The following DPYD variants were observed in gnomAD, a reference collection of about 807,000 sequenced individuals.
DPYD encodes dihydropyrimidine dehydrogenase, also known as dihydropyrimidine dehydrogenase [NADP(+)].
DPYD carries 109 observed loss-of-function variants against 116.2 expected under a neutral mutation model. That is an observed-to-expected ratio of 0.94 (90% CI 0.80 to 1.10). DPYD has a LOEUF of 1.10. DPYD is among the 50% of genes least tolerant of loss of function. DPYD has a pLI of 0.00. For synonymous variants in DPYD, 440 were observed against 432.0 expected, an observed-to-expected ratio of 1.02 and a Z score of -0.23; for missense variants, 1,302 against 1,254.5, an observed-to-expected ratio of 1.04 and a Z score of -0.57.
chr1:97,876,224 A>G (rs905201904), intron 2 of DPYD, among the ~76,000 whole-genome samples: 5 of 151,946 alleles, frequency 3.3e-5, no homozygotes, highest in African/African-American at 9.7e-5. Context: ...AGTACTTCTG[A>G]CTCAACCTGG....
chr1:97,626,924 C>T (rs1030459095), intron 8 of DPYD, among the ~76,000 whole-genome samples: 1 of 151,900 alleles, frequency 6.6e-6, no homozygotes, highest in Admixed American at 6.6e-5. Flanking sequence ...GTCTTAGTTC[C>T]GGCTTCTATG....
At position 97,833,741 on chromosome 1, in the gene DPYD, C is replaced by A. The variant is rs1408315103; in HGVS notation, c.151-5545G>T. Among the ~76,000 whole-genome samples the A allele has an allele frequency of 3.3e-5, 5 of 151,964 alleles. No homozygotes were observed. In the East Asian group the frequency reaches 9.6e-4, roughly 29 times the overall value. On this transcript the variant is annotated intron_variant, in intron 2 of 22. Coordinates refer to ENST00000370192, the MANE Select transcript of DPYD (RefSeq NM_000110.4). ...AAACAGAAGAAGAGTATCCATGAAC[C>A]CCAACTCAATCCTAATGGATCAGAT...
chr1:97,547,885 A>C (rs1651023271), intron 12 of DPYD, among the ~76,000 whole-genome samples: 1 of 152,154 alleles, frequency 6.6e-6, no homozygotes, highest in African/African-American at 2.4e-5. Context: ...CACTACTCAA[A>C]GATGCCAAGG....
At chr1:97,579,065 T>A (rs927697619) in intron 10 of DPYD, among the ~76,000 whole-genome samples, 2 of 152,216 alleles carry the variant, frequency 1.3e-5, no homozygotes, top group Non-Finnish European at 2.9e-5. Context: ...CTATCCTTTA[T>A]GTCCAAGAGT....
intron 13 of DPYD, among the ~76,000 whole-genome samples, chr1:97,488,233 T>G (rs988370170): frequency 2.0e-5 from 3 of 152,024 alleles, no homozygotes; most frequent in African/African-American, 7.3e-5. Flanking sequence ...ATTAGAAAAT[T>G]TTAGAGATAG....
chr1:97,708,611 T>C (rs1344400229), intron 5 of DPYD, among the ~76,000 whole-genome samples: 1 of 152,008 alleles, frequency 6.6e-6, no homozygotes, highest in Non-Finnish European at 1.5e-5. Flanking sequence ...TTCTATATTA[T>C]GTTGGTTAAT....
chr1:97,597,244 C>T (rs914402795), intron 8 of DPYD, among the ~76,000 whole-genome samples: 6 of 152,162 alleles, frequency 3.9e-5, no homozygotes, highest in Non-Finnish European at 5.9e-5. Context: ...TAGCCACACC[C>T]CAGGTCACAC....
chr1:97,521,417 C>T (rs1305203053), intron 12 of DPYD, among the ~76,000 whole-genome samples: 1 of 152,106 alleles, frequency 6.6e-6, no homozygotes, highest in African/African-American at 2.4e-5. Context: ...TAAGAGAGGA[C>T]ACAAACAAAT....
At chr1:97,588,141 CAA>C (rs1223634481) in intron 10 of DPYD, among the ~76,000 whole-genome samples, 1 of 152,088 alleles carries the variant, frequency 6.6e-6, no homozygotes, top group Non-Finnish European at 1.5e-5. Flanking sequence ...CATTAATTAT[CAA>C]AACAGTTAAC....
intron 8 of DPYD, among the ~76,000 whole-genome samples, chr1:97,598,794 T>A (rs976120829): frequency 4.6e-5 from 7 of 152,340 alleles, no homozygotes; most frequent in Admixed American, 2.6e-4. Flanking sequence ...GATGTTATTA[T>A]CCACATTTTA....
rs147027406 is a variant in DPYD at position 97,914,231 on chromosome 1, G to C, written c.39+6653C>G. ...TAAGATCACACTTTACCTTTTCCTGGTGCAAAATAGGTTATCTCCAACCAA... is the reference window on the plus strand; with the variant it reads ...TAAGATCACACTTTACCTTTTCCTGCTGCAAAATAGGTTATCTCCAACCAA... On this transcript the variant is annotated intron_variant, in intron 1 of 22. Coordinates refer to ENST00000370192, the MANE Select transcript of DPYD (RefSeq NM_000110.4). Among the ~76,000 whole-genome samples the C allele has an allele frequency of 2.3e-3, 355 of 152,158 alleles. 2 individuals carry two copies. The highest frequency in any genetic ancestry group is 0.023 in the East Asian group (119 of 5,176).
At chr1:97,673,610 TC>T (rs1443443907) in intron 8 of DPYD, among the ~76,000 whole-genome samples, 5 of 152,244 alleles carry the variant, frequency 3.3e-5, no homozygotes, top group African/African-American at 1.2e-4. Context: ...AAGCTTAACT[TC>T]TAGTGGTGGA....
chr1:97,354,788 C>G (rs1670339441), intron 16 of DPYD, among the ~76,000 whole-genome samples: 1 of 152,190 alleles, frequency 6.6e-6, no homozygotes, highest in African/African-American at 2.4e-5. Flanking sequence ...TGAATTCATT[C>G]AATTATCCAC....
At chr1:97,376,365 C>G (rs1292548358) in intron 15 of DPYD, among the ~76,000 whole-genome samples, 1 of 151,658 alleles carries the variant, frequency 6.6e-6, no homozygotes, top group South Asian at 2.1e-4. Flanking sequence ...TTTAAAATCA[C>G]CTGTTCAATA....
intron 13 of DPYD, among the ~76,000 whole-genome samples, chr1:97,495,817 T>C (rs559634055): frequency 6.6e-6 from 1 of 152,110 alleles, no homozygotes; most frequent in Non-Finnish European, 1.5e-5. Flanking sequence ...TAGATCTAAT[T>C]TTAGAATAAT....
chr1:97,399,500 T>C (rs1269706486), intron 14 of DPYD, among the ~76,000 whole-genome samples: 1 of 152,180 alleles, frequency 6.6e-6, no homozygotes, highest in Non-Finnish European at 1.5e-5. Context: ...CATTGGTAGC[T>C]TGATGGGGAT....
chr1:97,691,824 A>G (rs772486326), intron 6 of DPYD, 26 bp from the exon 7 acceptor site: 10 of 1,592,054 alleles, frequency 6.3e-6, no homozygotes, highest in Non-Finnish European at 8.6e-6. Flanking sequence ...AAAGAAAAAC[A>G]GGCATCAGTA....
rs531063187 is a variant in DPYD, at chr1:97,234,746, C to G, written c.2442+106G>C. The G allele has an allele frequency of 4.2e-6, 6 of 1,437,526 alleles. No homozygotes were observed. The African/African-American group carries it at 7.0e-5, about 17-fold the overall frequency. The allele number at this position is 1,437,526 out of a possible 1,614,324, so 89.0% of individuals were successfully genotyped here. ...TGCCATTTTGATCCCAAATGGCCTC[C>G]TTTTCAAGAGGCCCAAAAACGAATC... On this transcript the variant is annotated intron_variant, in intron 19 of 22. Coordinates refer to ENST00000370192, the MANE Select transcript of DPYD (RefSeq NM_000110.4).
chr1:97,828,113 C>A lies in DPYD; in HGVS notation c.233+1G>T, dbSNP rs1553247675. 1 of 1,613,564 alleles carries A rather than the reference C, an allele frequency of 6.2e-7. No individual in the cohort carries two copies. The highest frequency in any genetic ancestry group is 8.5e-7 in the Non-Finnish European group (1 of 1,179,714). Reference sequence around the variant, plus strand: ...CTGTTGCTATGGTGACCCAGACTTACCTCATTGCTTCTCGGAGAGCTCCTC... The same window carrying A: ...CTGTTGCTATGGTGACCCAGACTTAACTCATTGCTTCTCGGAGAGCTCCTC... On this transcript the variant is annotated splice_donor_variant, in intron 3 of 22. Coordinates refer to ENST00000370192, the MANE Select transcript of DPYD (RefSeq NM_000110.4). LOFTEE classifies it high-confidence loss of function.
Sources: gnomAD v4.1 joint callset for allele counts (sites outside exome capture counted in the v4.1 genomes callset) on GRCh38, gnomAD v4.1.1 for gene constraint, MANE v1.5 for transcripts, NCBI Gene and HGNC (gene_info 2026-07-23, HGNC 2026-07-21) for gene names.